Variants in LARP1B observed in about 807,000 individuals in gnomAD.
LARP1B encodes la-related protein 1B.
In LARP1B, 76 loss-of-function variants were observed where a neutral mutation model predicts 114.2. The observed-to-expected ratio is 0.67, with a 90% confidence interval of 0.55 to 0.81. The LOEUF (loss-of-function observed/expected upper bound fraction) is 0.81, where lower values mean the gene tolerates loss of function less well. LARP1B is among the 30% of genes least tolerant of loss of function. LARP1B has a pLI of 0.00. For missense variants in LARP1B, 1,014 were observed against 1,075.8 expected (o/e 0.94, Z 0.80); for synonymous variants, 345 against 348.0 (o/e 0.99, Z 0.10).
At chr4:128,181,823 T>G (rs1194782167) in intron 15 of LARP1B, among the ~76,000 whole-genome samples, 1 of 61,540 alleles carries the variant, frequency 1.6e-5, no homozygotes, top group Admixed American at 1.7e-4. Context: ...TTTTTTTTTT[T>G]GAGACGAAGT....
At chr4:128,091,665 T>C (rs1775968314) in intron 7 of LARP1B, among the ~76,000 whole-genome samples, 153 bp downstream of exon 7, 1 of 152,020 alleles carries the variant, frequency 6.6e-6, no homozygotes, top group Admixed American at 6.6e-5. Flanking sequence ...GGTACGATCT[T>C]GGCTCACTGC....
intron 15 of LARP1B, among the ~76,000 whole-genome samples, chr4:128,191,319 G>A (rs1390402980): frequency 6.6e-6 from 1 of 152,006 alleles, no homozygotes; most frequent in Non-Finnish European, 1.5e-5. Context: ...GTTTCTCGTG[G>A]ATGTACATTT....
intron 15 of LARP1B, among the ~76,000 whole-genome samples, chr4:128,190,528 G>T (rs1165642194): frequency 6.6e-6 from 1 of 152,154 alleles, no homozygotes; most frequent in African/African-American, 2.4e-5. Flanking sequence ...CTGGTAGGAG[G>T]TGATTGGATC....
In LARP1B at chr4:128,152,973, C is replaced by CTT. The variant is rs141211750; in HGVS notation, c.1525-9196_1525-9195dup. Among the ~76,000 whole-genome samples, 24 of 81,314 alleles carry CTT rather than the reference C, an allele frequency of 3.0e-4. 1 individual carries two copies. The highest frequency in any genetic ancestry group is 4.2e-4 in the Non-Finnish European group (17 of 40,898). 53.3% of individuals were successfully genotyped at this position (81,314 alleles called of 152,430 possible). A position where few individuals can be genotyped will look rare whatever the true frequency, so the allele number is the denominator to read the frequency against. ...TTTTAAGTTTACAATTTTGGTTTGC[C>CTT]TTTTTTTTTTTTTTTTTTTTTTTTT... is the stretch of plus-strand genomic sequence containing the variant. On this transcript the variant is annotated intron_variant, in intron 11 of 19. Transcript: ENST00000326639.
chr4:128,213,444 C>A (rs188297102), downstream of LARP1B, among the ~76,000 whole-genome samples: 3 of 152,166 alleles, frequency 2.0e-5, no homozygotes, highest in South Asian at 2.1e-4. Context: ...AGAATATTAA[C>A]CCTTTGCTTT....
intron 11 of LARP1B, among the ~76,000 whole-genome samples, chr4:128,134,374 T>C (rs181822647): frequency 5.1e-4 from 78 of 152,266 alleles, no homozygotes; most frequent in African/African-American, 1.8e-3. Context: ...ACAAATGATA[T>C]TGGGAAAATT....
chr4:128,202,582 T>A (rs551633452), intron 17 of LARP1B, among the ~76,000 whole-genome samples: 17 of 152,366 alleles, frequency 1.1e-4, no homozygotes, highest in African/African-American at 4.1e-4. Flanking sequence ...CAGACTATTT[T>A]GCTATTTATG....
intron 11 of LARP1B, among the ~76,000 whole-genome samples, chr4:128,153,047 A>T (rs1344106769): frequency 6.0e-5 from 8 of 133,502 alleles, no homozygotes; most frequent in African/African-American, 1.7e-4. Flanking sequence ...CAATGGTGTA[A>T]CCTTGGCTCA....
intron 15 of LARP1B, 56 bp downstream of exon 15, chr4:128,179,568 C>A: frequency 9.2e-7 from 1 of 1,092,800 alleles, no homozygotes; most frequent in Non-Finnish European, 1.3e-6. Context: ...TTTTTGAAAA[C>A]AGTTACTAAT....
intron 11 of LARP1B, among the ~76,000 whole-genome samples, chr4:128,135,794 T>C (rs1019203110): frequency 1.3e-5 from 2 of 152,178 alleles, no homozygotes; most frequent in Non-Finnish European, 2.9e-5. Flanking sequence ...AAAGTGTTGC[T>C]TAATGGGTAT....
At chr4:128,138,834 G>A (rs1400838462) in intron 11 of LARP1B, among the ~76,000 whole-genome samples, 1 of 152,152 alleles carries the variant, frequency 6.6e-6, no homozygotes, top group Non-Finnish European at 1.5e-5. Flanking sequence ...GTAGGCACCT[G>A]TAGTCCGAGC....
At chr4:128,111,439 C>T (rs1320492067) in intron 9 of LARP1B, among the ~76,000 whole-genome samples, 1 of 151,944 alleles carries the variant, frequency 6.6e-6, no homozygotes, top group African/African-American at 2.4e-5. Context: ...GTAGCTCATG[C>T]CTATAATCGC....
intron 12 of LARP1B, among the ~76,000 whole-genome samples, chr4:128,176,080 G>GTC (rs1211808566): frequency 1.4e-5 from 2 of 144,926 alleles, no homozygotes; most frequent in African/African-American, 2.5e-5. Flanking sequence ...GATTGTCTCT[G>GTC]TCTCTCTCTC....
At chr4:128,138,625 A>G (rs528601048) in intron 11 of LARP1B, among the ~76,000 whole-genome samples, 24 of 152,292 alleles carry the variant, frequency 1.6e-4, no homozygotes, top group East Asian at 3.9e-4. Context: ...ATTAGAATTC[A>G]TGAGAACGTG....
At chr4:128,111,582 A>G (rs72922350) in intron 9 of LARP1B, among the ~76,000 whole-genome samples, 4,473 of 152,200 alleles carry the variant, frequency 0.029, 232 homozygotes, top group African/African-American at 0.1. Flanking sequence ...GTGCATGTGT[A>G]GTACTAGTTA....
chr4:128,120,493 G>A (rs566338515), intron 10 of LARP1B, among the ~76,000 whole-genome samples: 1 of 148,880 alleles, frequency 6.7e-6, no homozygotes, highest in African/African-American at 2.5e-5. Flanking sequence ...CTGTCACCCA[G>A]GCTGGAGTAC....
intron 9 of LARP1B, among the ~76,000 whole-genome samples, chr4:128,109,149 T>C (rs550513740): frequency 2.6e-4 from 39 of 152,154 alleles, no homozygotes; most frequent in African/African-American, 8.9e-4. Context: ...TTTCTGACCT[T>C]AATAATTTCC....
At chr4:128,200,920 C>T (rs1755743501) in intron 17 of LARP1B, among the ~76,000 whole-genome samples, 1 of 152,226 alleles carries the variant, frequency 6.6e-6, no homozygotes, top group African/African-American at 2.4e-5. Flanking sequence ...TTCACAGCTT[C>T]AAAGAGTTGA....
Position 128,091,362 on chromosome 4 carries a change from C to A in LARP1B, c.518C>A (p.Ser173Ter). ...RGNPRLNFDY[S>*]YGYQEHGERT... is the part of the protein sequence containing the mutation. ...TCACATCAAGTGAACTTTGATTATTCATATGGTTATCAAGAACATGGTGAA... is the reference window on the plus strand; with the variant it reads ...TCACATCAAGTGAACTTTGATTATTAATATGGTTATCAAGAACATGGTGAA... Residue 173 changes from serine (S) to a stop codon, truncating the protein, a stop_gained, in exon 7 of 20, where the codon TCA (serine) becomes TAA (stop). Coordinates refer to ENST00000326639, the MANE Select transcript of LARP1B (RefSeq NM_018078.4). LOFTEE classifies it high-confidence loss of function. The A allele has an allele frequency of 6.2e-7, 1 of 1,609,654 alleles. No homozygotes were observed. The highest frequency in any genetic ancestry group is 1.1e-5 in the South Asian group (1 of 89,786).
Sources: gnomAD v4.1 joint callset for allele counts (sites outside exome capture counted in the v4.1 genomes callset) on GRCh38, gnomAD v4.1.1 for gene constraint, MANE v1.5 for transcripts, NCBI Gene and HGNC (gene_info 2026-07-23, HGNC 2026-07-21) for gene names.